GNA14: variants seen among roughly 807,000 people sequenced by gnomAD.
GNA14 encodes the protein G protein subunit alpha 14.
In GNA14, 50 loss-of-function variants were observed where a neutral mutation model predicts 42.0. That is an observed-to-expected ratio of 1.19 (90% confidence interval 0.95 to 1.51). The LOEUF is 1.51. Among genes scored for constraint, GNA14 ranks in the 40% most tolerant of loss-of-function variants. The pLI, the probability that GNA14 is intolerant of heterozygous loss-of-function variation, is 0.00. For missense variants in GNA14, 473 were observed against 446.2 expected, an observed-to-expected ratio of 1.06 and a Z score of -0.54; for synonymous variants, 173 against 163.1, an observed-to-expected ratio of 1.06 and a Z score of -0.46.
intron 1 of GNA14, among the ~76,000 whole-genome samples, chr9:77,602,512 C>T (rs1361281686): frequency 2.0e-5 from 3 of 152,094 alleles, no homozygotes; most frequent in Non-Finnish European, 2.9e-5. Flanking sequence ...CTAGCCCTCC[C>T]GACCCACCCC....
chr9:77,618,635 T>TTA, intron 1 of GNA14, among the ~76,000 whole-genome samples: 1 of 49,802 alleles, frequency 2.0e-5, no homozygotes, highest in Non-Finnish European at 3.6e-5. Flanking sequence ...TTTTTTTTTT[T>TTA]TTTTTTTTTT....
intron 1 of GNA14, among the ~76,000 whole-genome samples, chr9:77,631,672 T>A (rs763330106): frequency 6.6e-6 from 1 of 151,698 alleles, no homozygotes; most frequent in Non-Finnish European, 1.5e-5. Flanking sequence ...ATAATGAGCA[T>A]GAGTTCATCA....
intron 2 of GNA14, among the ~76,000 whole-genome samples, chr9:77,450,748 C>A (rs1050062982): frequency 2.0e-5 from 3 of 151,932 alleles, no homozygotes; most frequent in African/African-American, 7.3e-5. Context: ...ACCCTAATCA[C>A]ATCTTGAACT....
chr9:77,457,921 C>T (rs1335403211), intron 2 of GNA14, among the ~76,000 whole-genome samples: 1 of 151,614 alleles, frequency 6.6e-6, no homozygotes, highest in Non-Finnish European at 1.5e-5. Context: ...TCACTTTTTC[C>T]ACTCTTTTCA....
chr9:77,578,627 T>C (rs968591201), intron 1 of GNA14, among the ~76,000 whole-genome samples: 3 of 152,228 alleles, frequency 2.0e-5, no homozygotes, highest in Non-Finnish European at 4.4e-5. Context: ...TGAATGAAGA[T>C]ACAGAAAATA....
chr9:77,646,650 T>C (rs551827657), intron 1 of GNA14, among the ~76,000 whole-genome samples: 10 of 152,344 alleles, frequency 6.6e-5, no homozygotes, highest in African/African-American at 2.2e-4. Flanking sequence ...TAAGAGAAGA[T>C]TCCTGTTCAA....
At chr9:77,442,983 CAT>C (rs1368400858) in intron 2 of GNA14, among the ~76,000 whole-genome samples, 1 of 152,112 alleles carries the variant, frequency 6.6e-6, no homozygotes, top group Non-Finnish European at 1.5e-5. Context: ...TTTCAAATGA[CAT>C]AAAGATTTGG....
At chr9:77,624,485 C>T (rs1327082957) in intron 1 of GNA14, among the ~76,000 whole-genome samples, 4 of 152,202 alleles carry the variant, frequency 2.6e-5, no homozygotes, top group African/African-American at 9.6e-5. Context: ...GGAGACACCT[C>T]CCAGCGGGGG....
chr9:77,495,300 A>G (rs1482941039), intron 2 of GNA14, among the ~76,000 whole-genome samples: 3 of 151,980 alleles, frequency 2.0e-5, no homozygotes, highest in Non-Finnish European at 4.4e-5. Flanking sequence ...GCTAGTTAGT[A>G]GCTAACTAGC....
At chr9:77,492,828 C>A (rs1836800059) in intron 2 of GNA14, among the ~76,000 whole-genome samples, 1 of 151,166 alleles carries the variant, frequency 6.6e-6, no homozygotes, top group Non-Finnish European at 1.5e-5. Flanking sequence ...ATAATGAACC[C>A]CATCTCAGCT....
At chr9:77,430,070 G>A (rs764671931) in intron 4 of GNA14, among the ~76,000 whole-genome samples, 3 of 152,172 alleles carry the variant, frequency 2.0e-5, no homozygotes, top group African/African-American at 4.8e-5. Context: ...CCATGTCCTG[G>A]AGGTGCAGCC....
chr9:77,436,082 G>A (rs939537052), intron 2 of GNA14, among the ~76,000 whole-genome samples: 1 of 152,178 alleles, frequency 6.6e-6, no homozygotes, highest in African/African-American at 2.4e-5. Context: ...AGAAAAGGAG[G>A]ATCTTACACA....
intron 1 of GNA14, among the ~76,000 whole-genome samples, chr9:77,632,527 C>T (rs556150040): frequency 1.3e-5 from 2 of 152,282 alleles, no homozygotes; most frequent in East Asian, 3.9e-4. Flanking sequence ...CCTTGCTTGC[C>T]ACATTGTGGA....
At chr9:77,538,689 A>G (rs1351939275) in intron 1 of GNA14, among the ~76,000 whole-genome samples, 3 of 152,016 alleles carry the variant, frequency 2.0e-5, no homozygotes, top group Non-Finnish European at 4.4e-5. Context: ...CTTTATAGCT[A>G]TTGTAAATAG....
intron 2 of GNA14, among the ~76,000 whole-genome samples, chr9:77,524,076 C>T (rs1412242707): frequency 6.6e-6 from 1 of 152,132 alleles, no homozygotes; most frequent in Non-Finnish European, 1.5e-5. Context: ...AATATTTATT[C>T]AAGAAGTCAT....
chr9:77,521,492 T>A (rs1837353744), intron 2 of GNA14, among the ~76,000 whole-genome samples: 1 of 152,178 alleles, frequency 6.6e-6, no homozygotes, highest in Non-Finnish European at 1.5e-5. Flanking sequence ...AAATTAACCA[T>A]TTTCACTGAA....
chr9:77,603,079 T>C (rs570507321), intron 1 of GNA14, among the ~76,000 whole-genome samples: 2 of 152,300 alleles, frequency 1.3e-5, no homozygotes, highest in Non-Finnish European at 2.9e-5. Flanking sequence ...GCTCCCAAAG[T>C]TTGGCCCACA....
At chr9:77,548,273 G>T (rs1447413364) in intron 1 of GNA14, among the ~76,000 whole-genome samples, 1 of 152,072 alleles carries the variant, frequency 6.6e-6, no homozygotes, top group African/African-American at 2.4e-5. Flanking sequence ...CCTTCACATG[G>T]TCCTCTTTAC....
intron 2 of GNA14, among the ~76,000 whole-genome samples, chr9:77,455,689 T>C (rs1371028766): frequency 6.6e-6 from 1 of 152,218 alleles, no homozygotes; most frequent in African/African-American, 2.4e-5. Flanking sequence ...GAATATATAT[T>C]CTTGGAGTTA....
Sources: gnomAD v4.1 joint callset for allele counts (sites outside exome capture counted in the v4.1 genomes callset) on GRCh38, gnomAD v4.1.1 for gene constraint, MANE v1.5 for transcripts, NCBI Gene and HGNC (gene_info 2026-07-23, HGNC 2026-07-21) for gene names.